Variants in NAA50 observed in about 807,000 individuals in gnomAD.
The protein encoded by NAA50 is N-alpha-acetyltransferase 50.
In NAA50, 7 loss-of-function variants were observed where a neutral mutation model predicts 20.7. The observed-to-expected ratio is 0.34, with a 90% CI of 0.19 to 0.63. The LOEUF (loss-of-function observed/expected upper bound fraction) is 0.63. NAA50 is among the 30% of genes least tolerant of loss of function. NAA50 has a pLI of 0.75. For missense variants in NAA50, 111 were observed against 199.1 expected (o/e 0.56, Z 2.66); for synonymous variants, 54 against 70.6 (o/e 0.77, Z 1.18).
intron 1 of NAA50, among the ~76,000 whole-genome samples, chr3:113,740,350 C>T (rs1002646421): frequency 1.3e-5 from 2 of 152,116 alleles, no homozygotes; most frequent in East Asian, 1.9e-4. Context: ...AACATAAAAA[C>T]GGACCAATAA....
Position 113,734,302 on chromosome 3 carries a change from G to A in NAA50, c.9-10207C>T, listed in dbSNP as rs114334925. Among the ~76,000 whole-genome samples, 1,385 of 152,232 alleles carry A rather than the reference G, an allele frequency of 9.1e-3. 17 individuals carry two copies. The highest frequency in any genetic ancestry group is 0.03 in the African/African-American group (1,243 of 41,532). ...CAACAGATACTGGGGACTACTAGAAGAGGGAGAAGGGAGGGAGGGGCAAGA... is the reference window on the plus strand; with the variant it reads ...CAACAGATACTGGGGACTACTAGAAAAGGGAGAAGGGAGGGAGGGGCAAGA... On this transcript the variant is annotated intron_variant, in intron 1 of 4. Coordinates refer to ENST00000240922, the MANE Select transcript of NAA50 (RefSeq NM_025146.4).
In NAA50 at chr3:113,745,982, G is replaced by A; in HGVS notation, c.-33C>T. The stretch of plus-strand genomic sequence containing the variant: ...GCCTGCTGAGGCCGTCGTTACCACC[G>A]ATATCAACGCCGTCGTAGTCGCCGC... On this transcript the variant is annotated 5_prime_UTR_variant, in exon 1 of 5. Coordinates refer to ENST00000240922, the MANE Select transcript of NAA50 (RefSeq NM_025146.4). 6.2e-7 allele frequency: 1 copy of A among 1,606,006 alleles called. No individual in the cohort carries two copies. The highest frequency in any genetic ancestry group is 8.5e-7 in the Non-Finnish European group (1 of 1,179,430).
intron 3 of NAA50, 118 bp from the exon 4 acceptor site, chr3:113,723,090 C>A: frequency 7.8e-7 from 1 of 1,286,968 alleles, no homozygotes; most frequent in Non-Finnish European, 1.0e-6. Flanking sequence ...GAGGTATACA[C>A]TAGATATCCT....
At position 113,718,335 on chromosome 3, in the gene NAA50, A is replaced by T. The variant is rs1328458118; in HGVS notation, c.*3425T>A. On this transcript the variant is annotated 3_prime_UTR_variant, in exon 5 of 5. Transcript: ENST00000240922. ...CTAACAGCTTGACTGCAACCTTCTG[A>T]GATCTCAAGACAGAACCACCCAGTT... The T allele has an allele frequency of 6.6e-6, 1 of 151,738 alleles. No homozygotes were observed. Among genetic ancestry groups the T allele is most frequent in the Non-Finnish European group, 1.5e-5 (1 of 68,062 alleles). The allele number at this position is 151,738 out of a possible 1,614,324, so 9.4% of individuals were successfully genotyped here.
In NAA50 at chr3:113,722,027, T is replaced by C. The variant is rs148801806; in HGVS notation, c.333-90A>G. On this transcript the variant is annotated intron_variant, in intron 4 of 4. Transcript: ENST00000240922. ...TCCACAGATAGCTCCAAACATCTGT[T>C]ACATTCTCTTTACAACTACCAGTAA... 3 of 1,195,994 alleles carry C rather than the reference T, an allele frequency of 2.5e-6. No individual in the cohort carries two copies. In the African/African-American group the frequency reaches 4.6e-5, roughly 18 times the overall value. 74.1% of individuals were successfully genotyped at this position (1,195,994 alleles called of 1,614,324 possible).
At position 113,720,368 on chromosome 3, in the gene NAA50, A is replaced by G. The variant is rs117298828; in HGVS notation, c.*1392T>C. 1.6e-4 allele frequency: 25 copies of G among 152,698 alleles called. No individual in the cohort carries two copies. In the East Asian group the frequency reaches 3.9e-3, roughly 24 times the overall value. The allele number at this position is 152,698 out of a possible 1,614,324, so 9.5% of individuals were successfully genotyped here. On this transcript the variant is annotated 3_prime_UTR_variant, in exon 5 of 5. Transcript: ENST00000240922. ...GCCCTGTGCATTATTTTAAAGTCTG[A>G]GAACATTTCTAAATAGTGGAGATGG...
chr3:113,718,639 C>T lies in NAA50; in HGVS notation c.*3121G>A, dbSNP rs1048251642. On this transcript the variant is annotated 3_prime_UTR_variant, in exon 5 of 5. Coordinates refer to ENST00000240922, the MANE Select transcript of NAA50 (RefSeq NM_025146.4). ...CCTTACAAGGAAGAAAAACAAAACA[C>T]CTGAATATGTTGTCTGTAGCCAATA... is the stretch of plus-strand genomic sequence containing the variant. The T allele has an allele frequency of 2.0e-5, 3 of 152,176 alleles. No individual in the cohort carries two copies. Among genetic ancestry groups the T allele is most frequent in the Non-Finnish European group, 4.4e-5 (3 of 68,030 alleles). 9.4% of individuals were successfully genotyped at this position (152,176 alleles called of 1,614,324 possible). A position where few individuals can be genotyped will look rare whatever the true frequency, so the allele number is the denominator to read the frequency against.
intron 1 of NAA50, among the ~76,000 whole-genome samples, chr3:113,727,588 T>C (rs1708214920): frequency 6.6e-6 from 1 of 150,780 alleles, no homozygotes; most frequent in South Asian, 2.1e-4. Context: ...CATTAGGAAA[T>C]AGGCAGCTTA....
chr3:113,742,548 T>C (rs991506119), intron 1 of NAA50, among the ~76,000 whole-genome samples: 1 of 151,986 alleles, frequency 6.6e-6, no homozygotes, highest in African/African-American at 2.4e-5. Context: ...GGCTGCTTTA[T>C]TGTTTGTAGA....
intron 1 of NAA50, among the ~76,000 whole-genome samples, chr3:113,726,614 C>T (rs896302191): frequency 9.9e-5 from 15 of 151,838 alleles, no homozygotes; most frequent in Admixed American, 9.2e-4. Flanking sequence ...TGTGGTGGCA[C>T]GTGCCTGTAG....
intron 1 of NAA50, among the ~76,000 whole-genome samples, chr3:113,734,644 A>G (rs1708316297): frequency 3.3e-5 from 5 of 152,196 alleles, no homozygotes. Flanking sequence ...ACCTTCAAAC[A>G]TTTAAAACAC....
chr3:113,744,721 T>C lies in NAA50; in HGVS notation c.8+1221A>G, dbSNP rs185517578. On this transcript the variant is annotated intron_variant, in intron 1 of 4. Transcript: ENST00000240922. ...AAGATTATTAGTACAAAACATACAA[T>C]TCAACATTAGAATAAATATCCAGTA... Among the ~76,000 whole-genome samples, 4 of 152,240 alleles carry C rather than the reference T, an allele frequency of 2.6e-5. No individual in the cohort carries two copies. In the East Asian group the frequency reaches 7.7e-4, roughly 29 times the overall value.
At chr3:113,744,686 T>G (rs2107997820) in intron 1 of NAA50, among the ~76,000 whole-genome samples, 1 of 152,354 alleles carries the variant, frequency 6.6e-6, no homozygotes, top group Non-Finnish European at 1.5e-5. Context: ...TTCATGGTTC[T>G]TAAACTTTAA....
intron 1 of NAA50, among the ~76,000 whole-genome samples, chr3:113,735,570 T>C (rs1316643308): frequency 6.6e-6 from 1 of 152,252 alleles, no homozygotes; most frequent in African/African-American, 2.4e-5. Context: ...GATGTAACAA[T>C]GTAGACTATC....
rs1261071548 is a variant in NAA50 at position 113,719,819 on chromosome 3, A to G, written c.*1941T>C. On this transcript the variant is annotated 3_prime_UTR_variant, in exon 5 of 5. Coordinates refer to ENST00000240922, the MANE Select transcript of NAA50 (RefSeq NM_025146.4). ...CCAGGTGAAATGGTTATAGAAATAGAGGCAGTGTCATCTCAGAAAACCATT... is the reference window on the plus strand; with the variant it reads ...CCAGGTGAAATGGTTATAGAAATAGGGGCAGTGTCATCTCAGAAAACCATT... 1 of 152,624 alleles carries G rather than the reference A, an allele frequency of 6.6e-6. No homozygotes were observed. The highest frequency in any genetic ancestry group is 2.4e-5 in the African/African-American group (1 of 41,472). The allele number at this position is 152,624 out of a possible 1,614,324, so 9.5% of individuals were successfully genotyped here.
Position 113,719,652 on chromosome 3 carries a change from A to C in NAA50, c.*2108T>G, listed in dbSNP as rs1708108309. The C allele has an allele frequency of 6.6e-6, 1 of 152,516 alleles. No individual in the cohort carries two copies. Among genetic ancestry groups the C allele is most frequent in the African/African-American group, 2.4e-5 (1 of 41,452 alleles). The allele number at this position is 152,516 out of a possible 1,614,324, so 9.4% of individuals were successfully genotyped here. A position where few individuals can be genotyped will look rare whatever the true frequency, so the allele number is the denominator to read the frequency against. ...TGACTACCGTGGAAAAAGAAACTCT[A>C]TATATAATGATAGGGAGCCTACACA... On this transcript the variant is annotated 3_prime_UTR_variant, in exon 5 of 5. Coordinates refer to ENST00000240922, the MANE Select transcript of NAA50 (RefSeq NM_025146.4).
At position 113,745,996 on chromosome 3, in the gene NAA50, C is replaced by T. The variant is rs1469567821; in HGVS notation, c.-47G>A. On this transcript the variant is annotated 5_prime_UTR_variant, in exon 1 of 5. Transcript: ENST00000240922. ...TCGTTACCACCGATATCAACGCCGT[C>T]GTAGTCGCCGCCCTTAGGTCTCCGC... 8.1e-6 allele frequency: 13 copies of T among 1,604,984 alleles called. No individual in the cohort carries two copies. In the Admixed American group the frequency reaches 2.0e-4, roughly 25 times the overall value.
In NAA50 at chr3:113,745,970, G is replaced by C. The variant is rs761587580; in HGVS notation, c.-21C>G. On this transcript the variant is annotated 5_prime_UTR_variant, in exon 1 of 5. Transcript: ENST00000240922. ...TTCATCTTCCCCGCCTGCTGAGGCC[G>C]TCGTTACCACCGATATCAACGCCGT... 1.9e-6 allele frequency: 3 copies of C among 1,605,564 alleles called. No homozygotes were observed. In the South Asian group the frequency reaches 3.3e-5, roughly 18 times the overall value.
At chr3:113,741,183 T>C (rs757406644) in intron 1 of NAA50, 4 of 511,040 alleles carry the variant, frequency 7.8e-6, no homozygotes, top group African/African-American at 3.9e-5. Flanking sequence ...TTACTACATG[T>C]TGGAAAACAG....
Sources: gnomAD v4.1 joint callset for allele counts (sites outside exome capture counted in the v4.1 genomes callset) on GRCh38, gnomAD v4.1.1 for gene constraint, MANE v1.5 for transcripts, NCBI Gene and HGNC (gene_info 2026-07-23, HGNC 2026-07-21) for gene names.